The following VAC14 variants were observed in gnomAD, a reference collection of about 807,000 sequenced individuals.
VAC14 encodes VAC14 component of PIKFYVE complex.
A neutral mutation model predicts 85.3 loss-of-function variants in VAC14; 47 were observed. The observed-to-expected ratio is 0.55, with a 90% CI of 0.44 to 0.70. The LOEUF is 0.70. Ranked by LOEUF, VAC14 falls within the 30% of genes least tolerant of loss-of-function variation. VAC14 has a pLI of 0.00. For missense variants in VAC14, 861 were observed against 1,004.3 expected (o/e 0.86, Z 1.93); for synonymous variants, 447 against 430.5 (o/e 1.04, Z -0.47).
At position 70,784,802 on chromosome 16, in the gene VAC14, A is replaced by C; in HGVS notation, c.460T>G (p.Ser154Ala). 6.2e-7 allele frequency: 1 copy of C among 1,614,172 alleles called. No homozygotes were observed. Among genetic ancestry groups the C allele is most frequent in the Non-Finnish European group, 8.5e-7 (1 of 1,180,030 alleles). The change falls in exon 4 of 19, where the codon TCT becomes GCT. Residue 154 changes from serine (S) to alanine (A), a missense_variant. Around this residue, in one of 3 missense-constraint regions of VAC14, gnomAD observed 629 missense variants for 703.1 expected, o/e 0.89. Transcript: ENST00000261776. The part of the protein sequence containing the change: ...ADPDPNVKSG[S>A]ELLDRLLKDI... ...TTTAAAAGGCGGTCTAGGAGCTCAGATCCGCTTTTCACATTGGGGTCTGGG... is the reference window on the plus strand; with the variant it reads ...TTTAAAAGGCGGTCTAGGAGCTCAGCTCCGCTTTTCACATTGGGGTCTGGG...
intron 10 of VAC14, among the ~76,000 whole-genome samples, chr16:70,764,231 G>C (rs1350058489): frequency 6.6e-6 from 1 of 152,144 alleles, no homozygotes; most frequent in African/African-American, 2.4e-5. Flanking sequence ...ATGGTTTGAT[G>C]ATCCCCATGG....
chr16:70,721,467 G>C (rs1186256887), intron 14 of VAC14, among the ~76,000 whole-genome samples: 4 of 152,102 alleles, frequency 2.6e-5, no homozygotes, highest in African/African-American at 9.7e-5. Flanking sequence ...AAGCAGAGGA[G>C]GAGAAGAGAA....
intron 12 of VAC14, among the ~76,000 whole-genome samples, chr16:70,759,629 A>AAAAC (rs556397119): frequency 6.6e-5 from 10 of 152,172 alleles, no homozygotes; most frequent in Admixed American, 6.5e-4. Context: ...CCATGTCAAA[A>AAAAC]AAACAAACAA....
At chr16:70,782,177 A>G (rs2033845974) in intron 7 of VAC14, among the ~76,000 whole-genome samples, 174 bp from the exon 8 acceptor site, 1 of 152,250 alleles carries the variant, frequency 6.6e-6, no homozygotes, top group East Asian at 1.9e-4. Context: ...AGGTGGAGAC[A>G]CAGGCTGGGA....
intron 9 of VAC14, among the ~76,000 whole-genome samples, chr16:70,779,791 A>T (rs370753291): frequency 2.6e-5 from 4 of 152,276 alleles, no homozygotes; most frequent in African/African-American, 7.2e-5. Flanking sequence ...TCTAGATTAC[A>T]TCTGGAGTCA....
chr16:70,733,476 T>C (rs761847566), intron 13 of VAC14, among the ~76,000 whole-genome samples: 1 of 152,050 alleles, frequency 6.6e-6, no homozygotes. Context: ...CCAAATCTCA[T>C]GTTGAAATTT....
rs1598007795 is a variant in VAC14, at chr16:70,783,557, G to A, written c.595-3C>T. The A allele has an allele frequency of 1.2e-6, 2 of 1,613,338 alleles. No homozygotes were observed. Among genetic ancestry groups the A allele is most frequent in the African/African-American group, 2.7e-5 (2 of 75,060 alleles). On this transcript the variant is annotated splice_region_variant and splice_polypyrimidine_tract_variant and intron_variant, in intron 5 of 18. Transcript: ENST00000261776. ...GGCACCGACTCCAGAACCAGGATCT[G>A]ACCAGGGGAAGGGAACAGGAGGGGA...
Position 70,784,762 on chromosome 16 carries a change from C to G in VAC14, c.486+14G>C. 6.2e-7 allele frequency: 1 copy of G among 1,613,136 alleles called. No individual in the cohort carries two copies. The highest frequency in any genetic ancestry group is 8.5e-7 in the Non-Finnish European group (1 of 1,179,206). On this transcript the variant is annotated intron_variant, in intron 4 of 18. Coordinates refer to ENST00000261776, the MANE Select transcript of VAC14 (RefSeq NM_018052.5). ...CAGATTGTAGAAATAAAAGTGGGGA[C>G]AAAGTACAAATACCTTTAAAAGGCG... is the stretch of plus-strand genomic sequence containing the variant.
At chr16:70,707,538 C>A (rs961096546) in intron 14 of VAC14, among the ~76,000 whole-genome samples, 1 of 152,156 alleles carries the variant, frequency 6.6e-6, no homozygotes, top group Admixed American at 6.5e-5. Flanking sequence ...ATCTAGAGAC[C>A]TCCATAGAAG....
At chr16:70,777,087 G>C (rs1167285396) in intron 9 of VAC14, among the ~76,000 whole-genome samples, 1 of 151,928 alleles carries the variant, frequency 6.6e-6, no homozygotes, top group Non-Finnish European at 1.5e-5. Flanking sequence ...GATTACAGGT[G>C]TGAGCCACCG....
At chr16:70,751,852 G>T (rs1358757849) in intron 12 of VAC14, among the ~76,000 whole-genome samples, 1 of 152,238 alleles carries the variant, frequency 6.6e-6, no homozygotes, top group Non-Finnish European at 1.5e-5. Context: ...CAGCAATCGG[G>T]CCCTGGCCCT....
intron 9 of VAC14, among the ~76,000 whole-genome samples, chr16:70,779,698 C>T (rs547086170): frequency 1.3e-5 from 2 of 152,254 alleles, no homozygotes; most frequent in African/African-American, 4.8e-5. Flanking sequence ...CTGGCTGCTT[C>T]GGCAAAGGAG....
intron 10 of VAC14, chr16:70,768,213 G>A (rs75818058): frequency 0.061 from 9,238 of 152,408 alleles, 289 homozygotes; most frequent in Middle Eastern, 0.12. Context: ...ACTCACTGAA[G>A]CCCCATATCC....
At position 70,687,738 on chromosome 16, in the gene VAC14, G is replaced by A. The variant is rs2053522044; in HGVS notation, c.*190C>T. 9.4e-6 allele frequency: 5 copies of A among 532,324 alleles called. No individual in the cohort carries two copies. Among genetic ancestry groups the A allele is most frequent in the Admixed American group, 4.4e-5 (1 of 22,828 alleles). 33.0% of individuals were successfully genotyped at this position (532,324 alleles called of 1,614,324 possible). A position where few individuals can be genotyped will look rare whatever the true frequency, so the allele number is the denominator to read the frequency against. On this transcript the variant is annotated 3_prime_UTR_variant, in exon 19 of 19. Coordinates refer to ENST00000261776, the MANE Select transcript of VAC14 (RefSeq NM_018052.5). ...AGAATGCCAGGGTGCAGCTGACAGCGCTGGAGGCCTGGGGACTGGACTCTG... is the reference window on the plus strand; with the variant it reads ...AGAATGCCAGGGTGCAGCTGACAGCACTGGAGGCCTGGGGACTGGACTCTG...
In VAC14 at chr16:70,801,086, T is replaced by G; in HGVS notation, c.-186A>C. The G allele has an allele frequency of 2.2e-6, 1 of 459,706 alleles. No individual in the cohort carries two copies. The highest frequency in any genetic ancestry group is 3.8e-6 in the Non-Finnish European group (1 of 263,366). The allele number at this position is 459,706 out of a possible 1,614,324, so 28.5% of individuals were successfully genotyped here. On this transcript the variant is annotated 5_prime_UTR_variant, in exon 1 of 19. Coordinates refer to ENST00000261776, the MANE Select transcript of VAC14 (RefSeq NM_018052.5). ...GGCCCGGACCCCGCTCCAGCACACCTGACCCTGGCCGCTTAACAACTCCCG... is the reference window on the plus strand; with the variant it reads ...GGCCCGGACCCCGCTCCAGCACACCGGACCCTGGCCGCTTAACAACTCCCG...
intron 5 of VAC14, 141 bp downstream of exon 5, chr16:70,783,972 T>C: frequency 1.5e-6 from 1 of 687,922 alleles, no homozygotes; most frequent in Non-Finnish European, 2.5e-6. Flanking sequence ...CTGAATAAGG[T>C]GTTTTTGAAT....
intron 15 of VAC14, 152 bp from the exon 16 acceptor site, chr16:70,697,409 G>A (rs566446148): frequency 9.1e-5 from 55 of 605,324 alleles, no homozygotes; most frequent in Non-Finnish European, 1.5e-4. Flanking sequence ...GGCTGGGAAC[G>A]AGCCGTCACA....
intron 14 of VAC14, among the ~76,000 whole-genome samples, chr16:70,709,621 A>G (rs919201924): frequency 6.6e-6 from 1 of 152,190 alleles, no homozygotes; most frequent in African/African-American, 2.4e-5. Flanking sequence ...AACTGCAGCC[A>G]TAGTTCTGTA....
In VAC14 at chr16:70,688,841, G is replaced by A. The variant is rs948342848; in HGVS notation, c.2187-751C>T. Reference sequence around the variant, plus strand: ...GGCGATGAGATCCCCTTGGGCTCCTGTCCTGTTCCTACTCACCCTCCAGCA... The same window carrying A: ...GGCGATGAGATCCCCTTGGGCTCCTATCCTGTTCCTACTCACCCTCCAGCA... On this transcript the variant is annotated intron_variant, in intron 18 of 18. Transcript: ENST00000261776. The A allele has an allele frequency of 5.5e-5, 54 of 985,626 alleles. No individual in the cohort carries two copies. The African/African-American group carries it at 9.2e-4, about 17-fold the overall frequency. 61.1% of individuals were successfully genotyped at this position (985,626 alleles called of 1,614,324 possible).
Sources: gnomAD v4.1 joint callset for allele counts (sites outside exome capture counted in the v4.1 genomes callset) on GRCh38, gnomAD v4.1.1 for gene constraint, gnomAD v4.1.1 regional missense constraint, MANE v1.5 for transcripts, NCBI Gene and HGNC (gene_info 2026-07-23, HGNC 2026-07-21) for gene names.